Variants in SCN7A observed in about 807,000 individuals in gnomAD.
SCN7A encodes sodium voltage-gated channel alpha subunit 7.
In SCN7A, 138 loss-of-function variants were observed where a neutral mutation model predicts 155.2. That is an observed-to-expected ratio of 0.89 (90% CI 0.77 to 1.02). The LOEUF (loss-of-function observed/expected upper bound fraction) is 1.02, where lower values mean the gene tolerates loss of function less well. Among genes scored for constraint, SCN7A ranks in the 50% least tolerant of loss-of-function variants. The probability of loss-of-function intolerance (pLI) is 0.00; values close to 1 mark genes in which losing one functional copy is unlikely to be tolerated. For synonymous variants in SCN7A, 693 were observed against 649.0 expected (o/e 1.07, Z -1.03); for missense variants, 2,058 against 1,986.6 (o/e 1.04, Z -0.68).
intron 11 of SCN7A, among the ~76,000 whole-genome samples, chr2:166,448,494 T>C (rs1031166949): frequency 2.0e-5 from 3 of 152,192 alleles, no homozygotes; most frequent in East Asian, 1.9e-4. Context: ...CTGGATGATA[T>C]GGTAGCTCTA....
rs769081009 is a variant in SCN7A, at chr2:166,432,789, A to C, written c.2158-37T>G. 3.8e-4 allele frequency: 524 copies of C among 1,390,626 alleles called. 1 individual carries two copies. Among genetic ancestry groups the C allele is most frequent in the Non-Finnish European group, 4.4e-4 (464 of 1,048,534 alleles). 86.1% of individuals were successfully genotyped at this position (1,390,626 alleles called of 1,614,324 possible). On this transcript the variant is annotated intron_variant, in intron 15 of 25. Transcript: ENST00000643258. ...AGTAAAATGAGGCTAAATGTATCTCATTTTGTTTCATTTTAAGTAATGAAA... is the reference window on the plus strand; with the variant it reads ...AGTAAAATGAGGCTAAATGTATCTCCTTTTGTTTCATTTTAAGTAATGAAA...
At chr2:166,489,614 C>T (rs1683036225) in intron 1 of SCN7A, among the ~76,000 whole-genome samples, 1 of 152,168 alleles carries the variant, frequency 6.6e-6, no homozygotes, top group Non-Finnish European at 1.5e-5. Context: ...TATTTTTTCA[C>T]TTGGGTTGGT....
intron 24 of SCN7A, 108 bp downstream of exon 24, chr2:166,410,112 T>C: frequency 1.7e-6 from 2 of 1,142,856 alleles, no homozygotes; most frequent in South Asian, 1.7e-5. Context: ...ATGAAAAGCT[T>C]TGTCAAGGGA....
At chr2:166,453,344 G>A (rs1575040132) in intron 11 of SCN7A, among the ~76,000 whole-genome samples, 1 of 152,232 alleles carries the variant, frequency 6.6e-6, no homozygotes, top group African/African-American at 2.4e-5. Context: ...CTTCTAAAAT[G>A]TGAGTTTATT....
intron 9 of SCN7A, among the ~76,000 whole-genome samples, chr2:166,462,982 A>G (rs975585172): frequency 1.4e-4 from 22 of 152,296 alleles, no homozygotes; most frequent in African/African-American, 5.3e-4. Flanking sequence ...AATACCTTGT[A>G]TTAACTATAT....
At chr2:166,439,312 A>T (rs1449904516) in intron 15 of SCN7A, among the ~76,000 whole-genome samples, 1 of 152,006 alleles carries the variant, frequency 6.6e-6, no homozygotes, top group Non-Finnish European at 1.5e-5. Flanking sequence ...ACCCTGGGCA[A>T]TGGAGATTAG....
intron 2 of SCN7A, among the ~76,000 whole-genome samples, chr2:166,482,527 C>A (rs1159611154): frequency 6.6e-6 from 1 of 151,752 alleles, no homozygotes; most frequent in Non-Finnish European, 1.5e-5. Context: ...AATTTGGAAT[C>A]CCTCATATAT....
At chr2:166,418,284 CTTTTTTTTTTTTTTTT>C (rs71031244) in intron 20 of SCN7A, among the ~76,000 whole-genome samples, 19 of 60,674 alleles carry the variant, frequency 3.1e-4, no homozygotes, top group African/African-American at 1.1e-3. Context: ...CCCCGCCAGG[CTTTTTTTTTTTTTTTT>C]TTTTTTTTTT....
At chr2:166,415,863 G>C (rs1701364230) in intron 21 of SCN7A, among the ~76,000 whole-genome samples, 1 of 152,064 alleles carries the variant, frequency 6.6e-6, no homozygotes, top group Admixed American at 6.6e-5. Context: ...AGGGAACAAG[G>C]GAAGACAACC....
chr2:166,403,932 TAGAG>T lies in SCN7A; in HGVS notation c.*1644_*1647del, dbSNP rs1332086381. ...CAGGAGAAGAAAGGGAAGGAACACT[TAGAG>T]AGGAAAAAAAAAAAACCCTGAAATC... On this transcript the variant is annotated 3_prime_UTR_variant, in exon 26 of 26. Transcript: ENST00000643258. The T allele has an allele frequency of 3.3e-5, 5 of 150,602 alleles. No individual in the cohort carries two copies. Among genetic ancestry groups the T allele is most frequent in the African/African-American group, 4.9e-5 (2 of 41,038 alleles). The allele number at this position is 150,602 out of a possible 1,614,324, so 9.3% of individuals were successfully genotyped here.
At chr2:166,465,082 C>T (rs915496583) in intron 9 of SCN7A, among the ~76,000 whole-genome samples, 1 of 152,156 alleles carries the variant, frequency 6.6e-6, no homozygotes, top group African/African-American at 2.4e-5. Context: ...GTGAAGTCCT[C>T]TTGAATGTGA....
chr2:166,469,946 T>C (rs910581276), intron 7 of SCN7A, among the ~76,000 whole-genome samples: 2 of 151,968 alleles, frequency 1.3e-5, no homozygotes, highest in Non-Finnish European at 1.5e-5. Context: ...TTTGTTTTCT[T>C]GATACAGCTA....
chr2:166,433,610 C>A (rs1701778280), intron 15 of SCN7A, among the ~76,000 whole-genome samples: 1 of 152,108 alleles, frequency 6.6e-6, no homozygotes, highest in Non-Finnish European at 1.5e-5. Context: ...AGCTTATTTT[C>A]TCACTGAGTC....
chr2:166,421,370 C>T, intron 19 of SCN7A, 73 bp from the exon 20 acceptor site: 2 of 840,882 alleles, frequency 2.4e-6, no homozygotes, highest in Admixed American at 3.6e-5. Context: ...ATAAACTTTG[C>T]ATTTATTACA....
intron 14 of SCN7A, among the ~76,000 whole-genome samples, chr2:166,442,370 C>A (rs999531063): frequency 4.6e-5 from 7 of 151,844 alleles, no homozygotes; most frequent in Non-Finnish European, 8.8e-5. Flanking sequence ...TAGGCTATAC[C>A]TTCCTGACAC....
intron 10 of SCN7A, among the ~76,000 whole-genome samples, chr2:166,459,007 T>C (rs1479478595): frequency 6.6e-6 from 1 of 152,192 alleles, no homozygotes; most frequent in Admixed American, 6.5e-5. Context: ...GCAAATTCAA[T>C]GCCATTTTAC....
chr2:166,408,453 T>C (rs529791559), intron 25 of SCN7A, among the ~76,000 whole-genome samples: 24 of 152,118 alleles, frequency 1.6e-4, no homozygotes, highest in Non-Finnish European at 3.4e-4. Flanking sequence ...CCAAGATACC[T>C]TGCCTTCTGA....
intron 21 of SCN7A, among the ~76,000 whole-genome samples, chr2:166,414,196 T>C (rs1277897145): frequency 3.1e-5 from 3 of 97,374 alleles, no homozygotes; most frequent in Non-Finnish European, 5.7e-5. Flanking sequence ...TAATATATAA[T>C]ATATTATATA....
At chr2:166,453,088 A>G (rs868803986) in intron 11 of SCN7A, among the ~76,000 whole-genome samples, 3 of 152,144 alleles carry the variant, frequency 2.0e-5, no homozygotes, top group African/African-American at 7.2e-5. Flanking sequence ...ATTACATTTT[A>G]TAGTATAATA....
Sources: gnomAD v4.1 joint callset for allele counts (sites outside exome capture counted in the v4.1 genomes callset) on GRCh38, gnomAD v4.1.1 for gene constraint, MANE v1.5 for transcripts, NCBI Gene and HGNC (gene_info 2026-07-23, HGNC 2026-07-21) for gene names.